AHI1: variants seen among roughly 807,000 people sequenced by gnomAD.
AHI1 encodes Abelson helper integration site 1.
In AHI1, 123 loss-of-function variants were observed where a neutral mutation model predicts 149.3. The ratio of observed to expected loss-of-function variants is 0.82; its 90% confidence interval spans 0.71 to 0.96. The LOEUF (loss-of-function observed/expected upper bound fraction) is 0.96. AHI1 is among the 40% of genes least tolerant of loss of function. The pLI, the probability that AHI1 is intolerant of heterozygous loss-of-function variation, is 0.00. For synonymous variants in AHI1, 475 were observed against 459.8 expected, an observed-to-expected ratio of 1.03 and a Z score of -0.42; for missense variants, 1,439 against 1,422.7, an observed-to-expected ratio of 1.01 and a Z score of -0.18.
chr6:135,287,615 TTCTC>T (rs1191635750), intron 28 of AHI1, among the ~76,000 whole-genome samples: 2 of 152,222 alleles, frequency 1.3e-5, no homozygotes, highest in East Asian at 3.8e-4. Flanking sequence ...AAGCCATTCC[TTCTC>T]TATCTTCTCA....
intron 24 of AHI1, among the ~76,000 whole-genome samples, chr6:135,334,456 G>A (rs992769851): frequency 6.6e-6 from 1 of 152,158 alleles, no homozygotes; most frequent in Non-Finnish European, 1.5e-5. Context: ...CTCCAGAAAT[G>A]TGAGAAATAA....
chr6:135,439,297 G>A (rs186016777), intron 14 of AHI1, among the ~76,000 whole-genome samples: 199 of 152,274 alleles, frequency 1.3e-3, no homozygotes, highest in Middle Eastern at 0.01. Flanking sequence ...GTAGTGTTAT[G>A]AAATCTCATG....
chr6:135,366,358 T>C (rs779880560), intron 23 of AHI1, among the ~76,000 whole-genome samples: 3 of 152,166 alleles, frequency 2.0e-5, no homozygotes, highest in East Asian at 1.9e-4. Flanking sequence ...GTCAGGAGGA[T>C]TGGTAACAAT....
intron 14 of AHI1, among the ~76,000 whole-genome samples, chr6:135,438,793 T>C (rs1358796358): frequency 2.0e-5 from 3 of 152,168 alleles, no homozygotes; most frequent in Non-Finnish European, 2.9e-5. Flanking sequence ...ATCAGTTGAA[T>C]AATAACATTT....
chr6:135,397,510 C>T (rs1268108693), intron 22 of AHI1, among the ~76,000 whole-genome samples: 1 of 151,888 alleles, frequency 6.6e-6, no homozygotes, highest in Admixed American at 6.6e-5. Flanking sequence ...TAATGAAATT[C>T]ATAATAAAGA....
At chr6:135,368,262 T>C (rs952318091) in intron 23 of AHI1, among the ~76,000 whole-genome samples, 1 of 152,102 alleles carries the variant, frequency 6.6e-6, no homozygotes. Context: ...GTGAAGTGGA[T>C]TCTGTGATGG....
At chr6:135,472,539 C>G (rs1338179922) in intron 5 of AHI1, among the ~76,000 whole-genome samples, 1 of 152,140 alleles carries the variant, frequency 6.6e-6, no homozygotes, top group African/African-American at 2.4e-5. Context: ...ACATGGTAAA[C>G]AGATATTTAA....
chr6:135,361,645 T>TCTCACA (rs1554293263), intron 23 of AHI1, among the ~76,000 whole-genome samples: 4 of 133,810 alleles, frequency 3.0e-5, no homozygotes, highest in African/African-American at 5.5e-5. Flanking sequence ...AGGTATGGTT[T>TCTCACA]CACACACACA....
At chr6:135,412,982 T>C (rs1262173440) in intron 20 of AHI1, among the ~76,000 whole-genome samples, 1 of 152,162 alleles carries the variant, frequency 6.6e-6, no homozygotes, top group Non-Finnish European at 1.5e-5. Flanking sequence ...GTCAACATTC[T>C]TATGGACCAA....
intron 20 of AHI1, among the ~76,000 whole-genome samples, chr6:135,426,006 T>C (rs888266530): frequency 1.4e-4 from 22 of 151,854 alleles, no homozygotes; most frequent in Non-Finnish European, 7.4e-5. Context: ...ATTTCCTGTA[T>C]AACAGTTCCA....
At chr6:135,338,358 G>A (rs1263847355) in intron 24 of AHI1, among the ~76,000 whole-genome samples, 5 of 151,238 alleles carry the variant, frequency 3.3e-5, no homozygotes, top group Admixed American at 2.0e-4. Context: ...GCGTTAGCAC[G>A]TTAGCATATA....
intron 26 of AHI1, among the ~76,000 whole-genome samples, chr6:135,317,518 A>C (rs1342204903): frequency 2.0e-5 from 3 of 150,186 alleles, no homozygotes; most frequent in Non-Finnish European, 4.4e-5. Context: ...GGACTCCCCC[A>C]GGGTATATTT....
chr6:135,388,032 G>A (rs866101022), intron 23 of AHI1: 6 of 1,613,578 alleles, frequency 3.7e-6, no homozygotes, highest in Non-Finnish European at 5.1e-6. Context: ...CAAAGTGACT[G>A]TCTGGAAAAC....
intron 26 of AHI1, among the ~76,000 whole-genome samples, chr6:135,318,186 G>A (rs1462320893): frequency 6.6e-6 from 1 of 152,210 alleles, no homozygotes; most frequent in African/African-American, 2.4e-5. Flanking sequence ...TACCTCTCAG[G>A]TGGGGCTGAT....
chr6:135,369,960 G>C (rs1451367068), intron 23 of AHI1, among the ~76,000 whole-genome samples: 3 of 152,114 alleles, frequency 2.0e-5, no homozygotes, highest in Non-Finnish European at 4.4e-5. Flanking sequence ...TAACATATGT[G>C]TAACAGATAT....
chr6:135,302,111 C>G, intron 26 of AHI1: 5 of 980,616 alleles, frequency 5.1e-6, no homozygotes, highest in Non-Finnish European at 6.1e-6. Flanking sequence ...CCCGCCTCAG[C>G]CTTCTGAGTT....
At chr6:135,474,216 C>T (rs1792214879) in intron 5 of AHI1, among the ~76,000 whole-genome samples, 9 of 152,180 alleles carry the variant, frequency 5.9e-5, no homozygotes, top group Admixed American at 5.9e-4. Flanking sequence ...CCACCTGTAA[C>T]TTCTAGTAGC....
chr6:135,310,199 C>T (rs1356754817), intron 26 of AHI1, among the ~76,000 whole-genome samples: 1 of 151,992 alleles, frequency 6.6e-6, no homozygotes, highest in African/African-American at 2.4e-5. Context: ...CTATGATTAA[C>T]AATAATTCAG....
chr6:135,307,674 C>T (rs1221653435), intron 26 of AHI1, among the ~76,000 whole-genome samples: 9 of 151,160 alleles, frequency 6.0e-5, no homozygotes, highest in Admixed American at 5.9e-4. Flanking sequence ...CCTTTAATTA[C>T]AATATTTATA....
Sources: allele counts gnomAD v4.1 joint callset (sites outside exome capture counted in the v4.1 genomes callset), GRCh38; gene constraint gnomAD v4.1.1; transcripts MANE v1.5; gene names NCBI Gene and HGNC (gene_info 2026-07-23, HGNC 2026-07-21).